The following PARK7 variants were observed in gnomAD, a reference collection of about 807,000 sequenced individuals.
The protein encoded by PARK7 is Parkinson disease protein 7.
Under a neutral mutation model 20.5 loss-of-function variants are expected in PARK7, and 14 were observed. The ratio of observed to expected loss-of-function variants is 0.68; its 90% CI spans 0.45 to 1.07. PARK7 has a LOEUF of 1.07. Ranked by LOEUF, PARK7 falls within the 50% of genes least tolerant of loss-of-function variation. PARK7 has a pLI of 0.00. For synonymous variants in PARK7, 98 were observed against 84.3 expected, an observed-to-expected ratio of 1.16 and a Z score of -0.89; for missense variants, 234 against 238.1, an observed-to-expected ratio of 0.98 and a Z score of 0.11.
At chr1:7,967,507 T>G (rs1183530263) in intron 3 of PARK7, among the ~76,000 whole-genome samples, 1 of 152,230 alleles carries the variant, frequency 6.6e-6, no homozygotes, top group Non-Finnish European at 1.5e-5. Context: ...TTTTGTGTGT[T>G]TTTATTTTTC....
chr1:7,966,060 A>T (rs1417162925), intron 3 of PARK7, among the ~76,000 whole-genome samples: 1 of 152,108 alleles, frequency 6.6e-6, no homozygotes, highest in Non-Finnish European at 1.5e-5. Context: ...ACCTTTAAGG[A>T]CGATGGACAC....
chr1:7,962,959 C>A, intron 2 of PARK7, 84 bp downstream of exon 2: 1 of 1,128,150 alleles, frequency 8.9e-7, no homozygotes. Flanking sequence ...ATTCAAAGTG[C>A]TCTATGAAAT....
At chr1:7,981,710 G>A (rs1445158223) in intron 6 of PARK7, among the ~76,000 whole-genome samples, 2 of 150,500 alleles carry the variant, frequency 1.3e-5, no homozygotes, top group Non-Finnish European at 3.0e-5. Flanking sequence ...CCAGGCTGGA[G>A]TACAGTGGCA....
At chr1:7,972,093 G>C (rs556934087) in intron 5 of PARK7, 1 of 152,280 alleles carries the variant, frequency 6.6e-6, no homozygotes, top group South Asian at 2.1e-4. Flanking sequence ...ATGGGCCAGA[G>C]GTCCTGGGGA....
chr1:7,978,557 T>A (rs1640636475), intron 6 of PARK7, among the ~76,000 whole-genome samples: 1 of 152,166 alleles, frequency 6.6e-6, no homozygotes, highest in South Asian at 2.1e-4. Context: ...CACAAGTTTC[T>A]TGTAGACTGG....
At chr1:7,963,783 C>G (rs982354918) in intron 2 of PARK7, among the ~76,000 whole-genome samples, 6 of 151,482 alleles carry the variant, frequency 4.0e-5, no homozygotes, top group Non-Finnish European at 8.8e-5. Flanking sequence ...AAGATAAGTG[C>G]TATCCTCGCA....
intron 3 of PARK7, among the ~76,000 whole-genome samples, chr1:7,967,702 T>G (rs1175732142): frequency 6.6e-6 from 1 of 152,002 alleles, no homozygotes; most frequent in African/African-American, 2.4e-5. Context: ...GAGGATTACC[T>G]GAGCCCAGGA....
intron 5 of PARK7, among the ~76,000 whole-genome samples, chr1:7,976,257 G>A (rs1178845177): frequency 1.3e-5 from 2 of 152,186 alleles, no homozygotes; most frequent in Admixed American, 6.5e-5. Context: ...TCAAGGTGCT[G>A]TTCTGAAACG....
At chr1:7,975,711 A>T (rs1640571340) in intron 5 of PARK7, among the ~76,000 whole-genome samples, 1 of 152,156 alleles carries the variant, frequency 6.6e-6, no homozygotes, top group African/African-American at 2.4e-5. Flanking sequence ...TTTTATTACC[A>T]CCTTGAAGGG....
rs1024396975 is a variant in PARK7 at position 7,985,289 on chromosome 1, G to A, written c.*235G>A. On this transcript the variant is annotated 3_prime_UTR_variant, in exon 7 of 7. Coordinates refer to ENST00000338639, the MANE Select transcript of PARK7 (RefSeq NM_007262.5). Reference sequence around the variant, plus strand: ...CAGGGCATTTAGCAAACTACTGATTGTTTCTTGTTTTGTCTCTCATTTCTT... The same window carrying A: ...CAGGGCATTTAGCAAACTACTGATTATTTCTTGTTTTGTCTCTCATTTCTT... 9.3e-6 allele frequency: 5 copies of A among 537,942 alleles called. No individual in the cohort carries two copies. In the East Asian group the frequency reaches 1.7e-4, roughly 19 times the overall value. The allele number at this position is 537,942 out of a possible 1,614,324, so 33.3% of individuals were successfully genotyped here.
chr1:7,965,775 G>A (rs1326092246), intron 3 of PARK7, among the ~76,000 whole-genome samples: 5 of 152,038 alleles, frequency 3.3e-5, no homozygotes, highest in African/African-American at 1.2e-4. Flanking sequence ...ATTTTTACCT[G>A]ACATAAATCA....
chr1:7,967,563 T>G (rs1406363902), intron 3 of PARK7, among the ~76,000 whole-genome samples: 1 of 152,212 alleles, frequency 6.6e-6, no homozygotes, highest in Non-Finnish European at 1.5e-5. Flanking sequence ...ACTTTACACA[T>G]TTTCTTTTGA....
intron 6 of PARK7, among the ~76,000 whole-genome samples, 166 bp downstream of exon 6, chr1:7,977,904 C>T (rs1044804714): frequency 1.3e-4 from 18 of 143,554 alleles, no homozygotes; most frequent in Middle Eastern, 4.0e-3. Context: ...GGATTACAGG[C>T]GCATGCCATC....
At chr1:7,964,532 T>C (rs4908488) in intron 2 of PARK7, among the ~76,000 whole-genome samples, 22,128 of 152,240 alleles carry the variant, frequency 0.15, 1,798 homozygotes, top group South Asian at 0.26. Flanking sequence ...ATTACAATTC[T>C]GTAATACGTA....
chr1:7,964,334 G>T (rs1640280326), intron 2 of PARK7, among the ~76,000 whole-genome samples: 1 of 152,104 alleles, frequency 6.6e-6, no homozygotes, highest in South Asian at 2.1e-4. Flanking sequence ...CATAAATAAT[G>T]TACCCACATC....
intron 6 of PARK7, among the ~76,000 whole-genome samples, chr1:7,983,474 C>G (rs6688026): frequency 0.048 from 7,333 of 152,318 alleles, 569 homozygotes; most frequent in African/African-American, 0.17. Flanking sequence ...TCCTCTGGAT[C>G]ACTGTCACCA....
At chr1:7,981,661 T>G (rs916586365) in intron 6 of PARK7, among the ~76,000 whole-genome samples, 3 of 48,042 alleles carry the variant, frequency 6.2e-5, no homozygotes, top group East Asian at 4.2e-4. Context: ...GTGTCTTTTG[T>G]TTTTTTTTTT....
intron 4 of PARK7, among the ~76,000 whole-genome samples, chr1:7,970,625 G>A (rs1247841200): frequency 2.6e-5 from 4 of 152,178 alleles, no homozygotes; most frequent in African/African-American, 9.7e-5. Flanking sequence ...TCTCCCTGGA[G>A]TACAAAATGG....
At position 7,984,984 on chromosome 1, in the gene PARK7, C is replaced by T. The variant is rs886046546; in HGVS notation, c.500C>T (p.Ala167Val). ...GPGTSFEFALAIVEALNGKEV... is the reference protein window; with the variant it reads ...GPGTSFEFALVIVEALNGKEV... The stretch of plus-strand genomic sequence containing the variant: ...GGGACCAGCTTCGAGTTTGCGCTTG[C>T]AATTGTTGAAGCCCTGAATGGCAAG... The change falls in exon 7 of 7, where the codon GCA becomes GTA. Residue 167 changes from alanine to valine, a missense_variant. Transcript: ENST00000338639. This position sits in a 1 kb window ranked among gnomAD's most constrained non-coding sequence, Gnocchi z 4.3. The T allele has an allele frequency of 6.2e-7, 1 of 1,614,208 alleles. No homozygotes were observed. The highest frequency in any genetic ancestry group is 8.5e-7 in the Non-Finnish European group (1 of 1,180,048).
Sources: gnomAD v4.1 joint callset for allele counts (sites outside exome capture counted in the v4.1 genomes callset) on GRCh38, gnomAD v4.1.1 for gene constraint, Gnocchi (gnomAD v3.1) non-coding constraint, MANE v1.5 for transcripts, NCBI Gene and HGNC (gene_info 2026-07-23, HGNC 2026-07-21) for gene names.